NTM: variants seen among roughly 807,000 people sequenced by gnomAD.
NTM encodes the protein IgLON family member 2.
NTM carries 13 observed loss-of-function variants against 42.1 expected under a neutral mutation model. That is an observed-to-expected ratio of 0.31 (90% confidence interval 0.20 to 0.49). The LOEUF is 0.49. Ranked by LOEUF, NTM falls within the 20% of genes least tolerant of loss-of-function variation. NTM has a pLI of 0.99. For missense variants in NTM, 373 were observed against 452.8 expected (o/e 0.82, Z 1.60); for synonymous variants, 187 against 179.2 (o/e 1.04, Z -0.35).
intron 1 of NTM, among the ~76,000 whole-genome samples, chr11:131,566,421 G>C (rs1440386052): frequency 7.3e-6 from 1 of 136,650 alleles, no homozygotes; most frequent in Non-Finnish European, 1.5e-5. Flanking sequence ...GTGTGTGTGT[G>C]TCTCGATGTG....
intron 1 of NTM, among the ~76,000 whole-genome samples, chr11:131,419,570 T>C (rs566666624): frequency 1.3e-5 from 2 of 152,064 alleles, no homozygotes; most frequent in East Asian, 3.9e-4. Context: ...TAGCTCAGCA[T>C]GTTTCAAGGG....
rs10604283 is a variant in NTM, at chr11:131,834,625, C to CATAT, written c.83-76922_83-76919dup. ...TAGTGTGTGTATATATATACATATA[C>CATAT]ATATATATATATATATATATGTATA... On this transcript the variant is annotated intron_variant, in intron 1 of 8. Transcript: ENST00000683400. Among the ~76,000 whole-genome samples, 1,258 of 133,944 alleles carry CATAT rather than the reference C, an allele frequency of 9.4e-3. 22 individuals are homozygous for CATAT. Among genetic ancestry groups the CATAT allele is most frequent in the African/African-American group, 0.027 (1,023 of 37,208 alleles). 87.9% of individuals were successfully genotyped at this position (133,944 alleles called of 152,430 possible). A position where few individuals can be genotyped will look rare whatever the true frequency, so the allele number is the denominator to read the frequency against.
At chr11:131,424,888 T>A (rs993377611) in intron 1 of NTM, among the ~76,000 whole-genome samples, 3 of 143,358 alleles carry the variant, frequency 2.1e-5, no homozygotes, top group Non-Finnish European at 4.6e-5. Flanking sequence ...TTTATTTTTT[T>A]ATTTTTTTTG....
chr11:131,631,660 A>T (rs2137780563), intron 1 of NTM, among the ~76,000 whole-genome samples: 1 of 152,302 alleles, frequency 6.6e-6, no homozygotes, highest in South Asian at 2.1e-4. Flanking sequence ...CAATTTCCAT[A>T]ACTGTTTGGT....
At chr11:132,050,582 T>C (rs571746371) in intron 2 of NTM, among the ~76,000 whole-genome samples, 27 of 152,146 alleles carry the variant, frequency 1.8e-4, no homozygotes, top group Non-Finnish European at 3.8e-4. Flanking sequence ...TGGCTTCCAA[T>C]TGAGATCTGT....
intron 4 of NTM, among the ~76,000 whole-genome samples, chr11:132,301,329 G>C (rs557980221): frequency 6.6e-6 from 1 of 152,222 alleles, no homozygotes; most frequent in Admixed American, 6.5e-5. Flanking sequence ...TCTCCACCTG[G>C]TCCCTCCCAT....
chr11:131,950,254 C>T (rs550287926), intron 2 of NTM, among the ~76,000 whole-genome samples: 3 of 152,310 alleles, frequency 2.0e-5, no homozygotes, highest in Admixed American at 6.5e-5. Flanking sequence ...GAAGGATGCT[C>T]CTGAAGTTTG....
chr11:131,710,545 T>C (rs1375279668), intron 1 of NTM, among the ~76,000 whole-genome samples: 4 of 152,168 alleles, frequency 2.6e-5, no homozygotes, highest in Non-Finnish European at 5.9e-5. Context: ...ATTTCTGTCA[T>C]GATATCTACT....
chr11:131,484,019 C>T (rs1049398408), intron 1 of NTM, among the ~76,000 whole-genome samples: 2 of 152,176 alleles, frequency 1.3e-5, no homozygotes, highest in African/African-American at 4.8e-5. Flanking sequence ...GCCATGGCGC[C>T]CTAATTTTCT....
intron 1 of NTM, among the ~76,000 whole-genome samples, chr11:131,870,753 C>A (rs2047696714): frequency 6.6e-6 from 1 of 152,166 alleles, no homozygotes; most frequent in South Asian, 2.1e-4. Flanking sequence ...CAGGACACAG[C>A]ATTTCTCAAT....
chr11:131,700,234 T>C (rs1291405805), intron 1 of NTM, among the ~76,000 whole-genome samples: 1 of 152,208 alleles, frequency 6.6e-6, no homozygotes, highest in African/African-American at 2.4e-5. Context: ...TTCAATGCCT[T>C]ATTCTAAATG....
chr11:131,827,475 G>T (rs1441476137), intron 1 of NTM, among the ~76,000 whole-genome samples: 1 of 152,096 alleles, frequency 6.6e-6, no homozygotes, highest in East Asian at 1.9e-4. Context: ...ATGTAAGAGG[G>T]GTTAGTGGAT....
At chr11:132,139,213 C>T (rs1243255314) in intron 2 of NTM, among the ~76,000 whole-genome samples, 2 of 152,146 alleles carry the variant, frequency 1.3e-5, no homozygotes, top group African/African-American at 2.4e-5. Context: ...GAAAAAGGCT[C>T]CACTGTCTGT....
chr11:132,128,937 C>CAAAA (rs66598841), intron 2 of NTM, among the ~76,000 whole-genome samples: 9 of 66,088 alleles, frequency 1.4e-4, no homozygotes, highest in African/African-American at 4.8e-4. Flanking sequence ...GACACCATCT[C>CAAAA]AAAAAAAAAA....
At chr11:131,446,511 A>AT (rs1288605474) in intron 1 of NTM, among the ~76,000 whole-genome samples, 4 of 152,078 alleles carry the variant, frequency 2.6e-5, no homozygotes, top group African/African-American at 7.3e-5. Flanking sequence ...TAGTTAGAAC[A>AT]TTAAAAAAAA....
In NTM at chr11:132,208,249, AATACTGACAATG is replaced by A. The variant is rs2082286471; in HGVS notation, c.401-3772_401-3761del. Among the ~76,000 whole-genome samples the A allele has an allele frequency of 2.0e-5, 3 of 152,210 alleles. No homozygotes were observed. The South Asian group carries it at 6.2e-4, about 32-fold the overall frequency. ...ACCCTAATCAATTCAAGTAGTCTTG[AATACTGACAATG>A]TACTAGAAGTTGCCACCTAGAAAAT... On this transcript the variant is annotated intron_variant, in intron 3 of 8. Coordinates refer to ENST00000683400, the MANE Select transcript of NTM (RefSeq NM_001352005.2).
At position 131,568,969 on chromosome 11, in the gene NTM, C is replaced by T. The variant is rs138619203; in HGVS notation, c.82+198081C>T. Reference sequence around the variant, plus strand: ...CTGTTTGAAGTATCCACACACTTGGCTTTTAGTATATCCATAGAATTTTGC... The same window carrying T: ...CTGTTTGAAGTATCCACACACTTGGTTTTTAGTATATCCATAGAATTTTGC... On this transcript the variant is annotated intron_variant, in intron 1 of 8. Transcript: ENST00000683400. Among the ~76,000 whole-genome samples, 969 of 152,270 alleles carry T rather than the reference C, an allele frequency of 6.4e-3. 4 individuals carry two copies. The highest frequency in any genetic ancestry group is 0.011 in the Non-Finnish European group (774 of 68,032).
intron 1 of NTM, among the ~76,000 whole-genome samples, chr11:131,445,186 A>T (rs531615178): frequency 1.3e-5 from 2 of 152,350 alleles, no homozygotes; most frequent in South Asian, 4.1e-4. Flanking sequence ...AGCACACTGC[A>T]TGCTTCTGAG....
At chr11:131,742,103 A>G (rs934917192) in intron 1 of NTM, among the ~76,000 whole-genome samples, 1 of 152,344 alleles carries the variant, frequency 6.6e-6, no homozygotes, top group East Asian at 1.9e-4. Context: ...GGTGAGGACC[A>G]GGAAAAATAA....
Sources: gnomAD v4.1 joint callset for allele counts (sites outside exome capture counted in the v4.1 genomes callset) on GRCh38, gnomAD v4.1.1 for gene constraint, MANE v1.5 for transcripts, NCBI Gene and HGNC (gene_info 2026-07-23, HGNC 2026-07-21) for gene names.